Variants in HCN1 observed in about 807,000 individuals in gnomAD.
HCN1 encodes hyperpolarization activated cyclic nucleotide gated potassium channel 1.
A neutral mutation model predicts 78.9 loss-of-function variants in HCN1; 13 were observed. The ratio of observed to expected loss-of-function variants is 0.16; its 90% confidence interval spans 0.11 to 0.26. HCN1 has a LOEUF of 0.26. Ranked by LOEUF, HCN1 falls within the 10% of genes least tolerant of loss-of-function variation. The pLI, the probability that HCN1 is intolerant of heterozygous loss-of-function variation, is 1.00. For synonymous variants in HCN1, 552 were observed against 455.5 expected, an observed-to-expected ratio of 1.21 and a Z score of -2.70; for missense variants, 810 against 1,154.3, an observed-to-expected ratio of 0.70 and a Z score of 4.32.
At position 45,507,233 on chromosome 5, in the gene HCN1, T is replaced by C. The variant is rs770608819; in HGVS notation, c.850-45226A>G. ...ATCCTGTGAACGACTGCTCAGCTTATGTGGTACTCCATAGTCTCTGCCCTT... is the reference window on the plus strand; with the variant it reads ...ATCCTGTGAACGACTGCTCAGCTTACGTGGTACTCCATAGTCTCTGCCCTT... On this transcript the variant is annotated intron_variant, in intron 2 of 7. Coordinates refer to ENST00000303230, the MANE Select transcript of HCN1 (RefSeq NM_021072.4). Among the ~76,000 whole-genome samples the C allele has an allele frequency of 2.0e-4, 30 of 152,324 alleles. 1 individual carries two copies. The Middle Eastern group carries it at 0.027, about 138-fold the overall frequency.
rs570695139 is a variant in HCN1 at position 45,431,959 on chromosome 5, T to G, written c.1011+29887A>C. On this transcript the variant is annotated intron_variant, in intron 3 of 7. Coordinates refer to ENST00000303230, the MANE Select transcript of HCN1 (RefSeq NM_021072.4). ...TATGAATTTTAAAATAGCTTTTTTC[T>G]AATTCTATGAGAATGTCATTGGTAG... Among the ~76,000 whole-genome samples, 6 of 152,326 alleles carry G rather than the reference T, an allele frequency of 3.9e-5. No individual in the cohort carries two copies. In the South Asian group the frequency reaches 1.2e-3, roughly 32 times the overall value.
chr5:45,370,318 T>C (rs532403887), intron 4 of HCN1, among the ~76,000 whole-genome samples: 21 of 152,182 alleles, frequency 1.4e-4, no homozygotes, highest in African/African-American at 4.3e-4. Flanking sequence ...ACTTGATTTA[T>C]AGGTACTCCC....
intron 2 of HCN1, among the ~76,000 whole-genome samples, chr5:45,582,944 G>A (rs1744113308): frequency 6.6e-6 from 1 of 151,736 alleles, no homozygotes; most frequent in Non-Finnish European, 1.5e-5. Flanking sequence ...GAGGATTTTG[G>A]CTTCGATGTT....
chr5:45,346,143 C>G (rs1348256534), intron 5 of HCN1, among the ~76,000 whole-genome samples: 1 of 152,164 alleles, frequency 6.6e-6, no homozygotes, highest in East Asian at 1.9e-4. Flanking sequence ...AAGAACAGAG[C>G]ATGTGGTAAC....
intron 2 of HCN1, among the ~76,000 whole-genome samples, chr5:45,489,465 T>C (rs1741835756): frequency 6.6e-6 from 1 of 152,112 alleles, no homozygotes; most frequent in Non-Finnish European, 1.5e-5. Context: ...ATAAGAAGCT[T>C]GAAAAGTACA....
intron 5 of HCN1, among the ~76,000 whole-genome samples, chr5:45,306,798 A>T (rs1435931460): frequency 6.6e-6 from 1 of 152,098 alleles, no homozygotes; most frequent in Non-Finnish European, 1.5e-5. Flanking sequence ...CTTTTTATCA[A>T]AATATCAGGA....
intron 5 of HCN1, among the ~76,000 whole-genome samples, chr5:45,345,363 A>C (rs751290108): frequency 5.3e-5 from 8 of 152,166 alleles, no homozygotes; most frequent in Non-Finnish European, 1.0e-4. Flanking sequence ...CCTGGTGATT[A>C]ACATCCAACG....
chr5:45,622,494 T>C (rs937191011), intron 2 of HCN1, among the ~76,000 whole-genome samples: 6 of 152,222 alleles, frequency 3.9e-5, no homozygotes, highest in African/African-American at 1.2e-4. Flanking sequence ...AAAATGCACC[T>C]GTAGCAGAAT....
intron 4 of HCN1, among the ~76,000 whole-genome samples, chr5:45,373,787 G>T (rs1307985126): frequency 9.2e-6 from 1 of 108,334 alleles, no homozygotes; most frequent in Non-Finnish European, 1.8e-5. Context: ...ATTACATACG[G>T]TATATACGTC....
chr5:45,487,863 C>A (rs1741800164), intron 2 of HCN1, among the ~76,000 whole-genome samples: 1 of 152,012 alleles, frequency 6.6e-6, no homozygotes, highest in South Asian at 2.1e-4. Context: ...ATCTCATTTG[C>A]TGAGCGACAG....
At chr5:45,530,203 A>G (rs1742813292) in intron 2 of HCN1, among the ~76,000 whole-genome samples, 1 of 152,006 alleles carries the variant, frequency 6.6e-6, no homozygotes, top group Non-Finnish European at 1.5e-5. Flanking sequence ...AGTGAGGCAA[A>G]TCAGGTGCCA....
chr5:45,447,270 G>A (rs917738984), intron 3 of HCN1, among the ~76,000 whole-genome samples: 4 of 152,084 alleles, frequency 2.6e-5, no homozygotes, highest in Non-Finnish European at 2.9e-5. Context: ...GACCAGGTGC[G>A]GCTCTGTCAC....
At chr5:45,688,879 TA>T (rs1385928279) in intron 1 of HCN1, among the ~76,000 whole-genome samples, 20 of 152,012 alleles carry the variant, frequency 1.3e-4, no homozygotes, top group Middle Eastern at 3.4e-3. Context: ...AAGAAGCCAA[TA>T]AAAAATACTA....
chr5:45,507,822 A>G (rs1372903770), intron 2 of HCN1, among the ~76,000 whole-genome samples: 1 of 152,176 alleles, frequency 6.6e-6, no homozygotes, highest in Non-Finnish European at 1.5e-5. Flanking sequence ...GTAATTCCTT[A>G]AATAGCTACA....
At chr5:45,276,421 C>T (rs1429202851) in intron 6 of HCN1, among the ~76,000 whole-genome samples, 1 of 152,054 alleles carries the variant, frequency 6.6e-6, no homozygotes, top group Non-Finnish European at 1.5e-5. Flanking sequence ...AAAGAATCTG[C>T]AATTCTAGCA....
intron 2 of HCN1, among the ~76,000 whole-genome samples, chr5:45,467,436 C>A (rs10473387): frequency 1.6e-4 from 25 of 151,902 alleles, no homozygotes; most frequent in Admixed American, 1.6e-3. Flanking sequence ...CTCCCAATGT[C>A]CACGTGCCAC....
At chr5:45,475,981 A>G (rs1019551274) in intron 2 of HCN1, among the ~76,000 whole-genome samples, 2 of 152,186 alleles carry the variant, frequency 1.3e-5, no homozygotes, top group African/African-American at 2.4e-5. Context: ...AACATAGACG[A>G]TAGAACTTTT....
intron 2 of HCN1, among the ~76,000 whole-genome samples, chr5:45,624,691 G>A (rs530962357): frequency 6.6e-6 from 1 of 152,150 alleles, no homozygotes; most frequent in East Asian, 1.9e-4. Context: ...TGTGAAGGAT[G>A]GGGCTGGAGA....
intron 3 of HCN1, among the ~76,000 whole-genome samples, chr5:45,457,505 T>C (rs767945766): frequency 4.6e-5 from 7 of 151,780 alleles, no homozygotes; most frequent in Non-Finnish European, 1.0e-4. Context: ...ACAAATAATA[T>C]AAATACAAAG....
Sources: gnomAD v4.1 joint callset for allele counts (sites outside exome capture counted in the v4.1 genomes callset) on GRCh38, gnomAD v4.1.1 for gene constraint, MANE v1.5 for transcripts, NCBI Gene and HGNC (gene_info 2026-07-23, HGNC 2026-07-21) for gene names.